PRSS23: variants seen among roughly 807,000 people sequenced by gnomAD.
The protein encoded by PRSS23 is serine protease 23.
A neutral mutation model predicts 34.7 loss-of-function variants in PRSS23; 25 were observed. The observed-to-expected ratio is 0.72, with a 90% CI of 0.53 to 1.01. The LOEUF is 1.01. PRSS23 is among the 50% of genes least tolerant of loss of function. PRSS23 has a pLI of 0.00. For missense variants in PRSS23, 445 were observed against 475.6 expected, an observed-to-expected ratio of 0.94 and a Z score of 0.60; for synonymous variants, 176 against 186.6, an observed-to-expected ratio of 0.94 and a Z score of 0.46.
Position 86,803,505 on chromosome 11 carries a change from T to C in PRSS23, c.-14+2854T>C, listed in dbSNP as rs1948064243. Among the ~76,000 whole-genome samples the C allele has an allele frequency of 2.0e-5, 3 of 152,228 alleles. No individual in the cohort carries two copies. In the South Asian group the frequency reaches 6.2e-4, roughly 31 times the overall value. On this transcript the variant is annotated intron_variant, in intron 1 of 1. Coordinates refer to ENST00000280258, the MANE Select transcript of PRSS23 (RefSeq NM_007173.6). ...TGTCTTCTAAGGAATTACTCCATTATCATGTGAGTTGAGAAATGAATGTAA... is the reference window on the plus strand; with the variant it reads ...TGTCTTCTAAGGAATTACTCCATTACCATGTGAGTTGAGAAATGAATGTAA...
intron 2 of PRSS23, among the ~76,000 whole-genome samples, chr11:86,835,987 AGTT>A (rs1948402394): frequency 6.6e-6 from 1 of 152,130 alleles, no homozygotes; most frequent in Non-Finnish European, 1.5e-5. Context: ...AGTCCAGGTG[AGTT>A]GAGATGTGGG....
At chr11:86,907,737 G>A (rs750797533) in intron 2 of PRSS23, among the ~76,000 whole-genome samples, 4 of 152,210 alleles carry the variant, frequency 2.6e-5, no homozygotes, top group African/African-American at 7.2e-5. Flanking sequence ...TGGGATTTCA[G>A]GTGTGAGCCA....
chr11:86,858,178 T>C (rs1017795180), intron 2 of PRSS23, among the ~76,000 whole-genome samples: 1 of 152,030 alleles, frequency 6.6e-6, no homozygotes, highest in Admixed American at 6.5e-5. Context: ...TTTCTCCTAA[T>C]ATGGTAGGGG....
chr11:86,807,917 G>A lies in PRSS23; in HGVS notation c.274G>A (p.Ala92Thr). The change falls in exon 2 of 2, where the codon GCC becomes ACC. Residue 92 changes from alanine (A) to threonine (T), a missense_variant. Transcript: ENST00000280258. ...KQYLSYETLYANGSRTETQVG... is the reference protein window; with the variant it reads ...KQYLSYETLYTNGSRTETQVG... ...ATATCTGTCTTATGAAACGCTCTAT[G>A]CCAATGGCAGCCGCACAGAGACGCA... is the stretch of plus-strand genomic sequence containing the variant. 1 of 1,614,160 alleles carries A rather than the reference G, an allele frequency of 6.2e-7. No homozygotes were observed.
At chr11:86,861,362 C>T (rs1332722774) in intron 2 of PRSS23, among the ~76,000 whole-genome samples, 1 of 151,858 alleles carries the variant, frequency 6.6e-6, no homozygotes, top group African/African-American at 2.4e-5. Context: ...TTTGTACACC[C>T]TCTCTGATAT....
chr11:86,941,001 C>T lies in PRSS23; in HGVS notation c.207-10215C>T, dbSNP rs565118456. The T allele has an allele frequency of 4.1e-4, 63 of 152,308 alleles. 1 individual carries two copies. Among genetic ancestry groups the T allele is most frequent in the African/African-American group, 1.4e-3 (58 of 41,572 alleles). The allele number at this position is 152,308 out of a possible 1,614,324, so 9.4% of individuals were successfully genotyped here. Reference sequence around the variant, plus strand: ...AAGGTGGTCAGATGCTGAATTTTGACTAAATACCTCCGATGGCACATAATG... The same window carrying T: ...AAGGTGGTCAGATGCTGAATTTTGATTAAATACCTCCGATGGCACATAATG... On this transcript the variant is annotated intron_variant, in intron 2 of 2. Transcript: ENST00000533902.
At position 86,835,705 on chromosome 11, in the gene PRSS23, GC is replaced by G. The variant is rs1948399772; in HGVS notation, c.206+12115del. On this transcript the variant is annotated intron_variant, in intron 2 of 2. Coordinates refer to the PRSS23 transcript ENST00000533902. ...AGGCTGGATACGTTCCTCACTGAGG[GC>G]CCTGGTGCCTTTGGATAATTTTAGC... Among the ~76,000 whole-genome samples the G allele has an allele frequency of 1.3e-5, 2 of 152,180 alleles. 1 individual carries two copies. The highest frequency in any genetic ancestry group is 4.1e-4 in the South Asian group (2 of 4,828).
chr11:86,793,804 A>G (rs1036929099), intron 1 of PRSS23, among the ~76,000 whole-genome samples: 1 of 152,236 alleles, frequency 6.6e-6, no homozygotes, highest in African/African-American at 2.4e-5. Context: ...ACTATAGCAG[A>G]AAACTATAAA....
At position 86,824,223 on chromosome 11, in the gene PRSS23, G is replaced by A. The variant is rs1033621141; in HGVS notation, c.206+630G>A. Among the ~76,000 whole-genome samples the A allele has an allele frequency of 6.0e-5, 9 of 151,196 alleles. No homozygotes were observed. In the South Asian group the frequency reaches 8.3e-4, roughly 14 times the overall value. On this transcript the variant is annotated intron_variant, in intron 2 of 2. Coordinates refer to the PRSS23 transcript ENST00000533902. ...CTTGGGAGGCTGAGGTGGGAGGATC[G>A]CTTGAGCCTGGGAGGTGGAGATTGC...
chr11:86,939,631 G>T (rs1949193727), intron 2 of PRSS23, among the ~76,000 whole-genome samples: 1 of 151,192 alleles, frequency 6.6e-6, no homozygotes, highest in Non-Finnish European at 1.5e-5. Context: ...TAATCTCTGG[G>T]ATTATTTGCA....
chr11:86,856,301 CA>C (rs1948570502), intron 2 of PRSS23, among the ~76,000 whole-genome samples: 1 of 149,338 alleles, frequency 6.7e-6, no homozygotes, highest in African/African-American at 2.5e-5. Context: ...GGAACTTCAT[CA>C]TTGAAACAGT....
At chr11:86,858,203 G>A (rs1047241364) in intron 2 of PRSS23, among the ~76,000 whole-genome samples, 2 of 151,780 alleles carry the variant, frequency 1.3e-5, no homozygotes, top group Non-Finnish European at 2.9e-5. Flanking sequence ...ACACCTTCCT[G>A]TGATATTGTT....
chr11:86,891,353 TAAAG>T (rs943548206), intron 2 of PRSS23, among the ~76,000 whole-genome samples: 1 of 152,216 alleles, frequency 6.6e-6, no homozygotes. Flanking sequence ...GGTCCTGACT[TAAAG>T]AAATCATTTG....
intron 2 of PRSS23, among the ~76,000 whole-genome samples, chr11:86,914,593 C>T (rs1244288963): frequency 2.0e-5 from 3 of 152,144 alleles, no homozygotes; most frequent in Non-Finnish European, 2.9e-5. Context: ...TTTTATGTGA[C>T]TGTCTTTGAA....
intron 2 of PRSS23, among the ~76,000 whole-genome samples, chr11:86,929,303 C>A (rs1389368658): frequency 7.2e-6 from 1 of 138,678 alleles, no homozygotes; most frequent in African/African-American, 2.7e-5. Flanking sequence ...GCCTGGGCAA[C>A]AACAGCGAAA....
intron 2 of PRSS23, among the ~76,000 whole-genome samples, chr11:86,853,733 T>G (rs916572116): frequency 6.6e-6 from 1 of 152,174 alleles, no homozygotes; most frequent in African/African-American, 2.4e-5. Flanking sequence ...CTAATTCTTT[T>G]TGGGAGGTAC....
intron 2 of PRSS23, among the ~76,000 whole-genome samples, chr11:86,907,513 C>G (rs1948951453): frequency 6.6e-6 from 1 of 152,068 alleles, no homozygotes; most frequent in East Asian, 1.9e-4. Context: ...GTCACCCAGG[C>G]TAGAGCACAC....
intron 2 of PRSS23, among the ~76,000 whole-genome samples, chr11:86,920,672 G>A (rs559891462): frequency 9.2e-5 from 14 of 152,140 alleles, no homozygotes; most frequent in South Asian, 6.2e-4. Flanking sequence ...ATGCCCTACC[G>A]TAAAATCAAA....
At chr11:86,902,301 A>C (rs533192189) in intron 2 of PRSS23, among the ~76,000 whole-genome samples, 1 of 152,168 alleles carries the variant, frequency 6.6e-6, no homozygotes, top group Admixed American at 6.5e-5. Flanking sequence ...TAGACTCAGC[A>C]TGTCTTCTGA....
Sources: allele counts gnomAD v4.1 joint callset (sites outside exome capture counted in the v4.1 genomes callset), GRCh38; gene constraint gnomAD v4.1.1; transcripts MANE v1.5; gene names NCBI Gene and HGNC (gene_info 2026-07-23, HGNC 2026-07-21).